Variants in ASTN2 observed in about 807,000 individuals in gnomAD.
The protein encoded by ASTN2 is astrotactin-2.
In ASTN2, 54 loss-of-function variants were observed where a neutral mutation model predicts 139.8. That is an observed-to-expected ratio of 0.39 (90% CI 0.31 to 0.48). The LOEUF (loss-of-function observed/expected upper bound fraction) is 0.48. Ranked by LOEUF, ASTN2 falls within the 20% of genes least tolerant of loss-of-function variation. The pLI is 0.95. For missense variants in ASTN2, 1,565 were observed against 1,725.1 expected (o/e 0.91, Z 1.64); for synonymous variants, 756 against 719.5 (o/e 1.05, Z -0.81).
intron 13 of ASTN2, among the ~76,000 whole-genome samples, chr9:116,737,610 C>CGTGTGTGT (rs57891581): frequency 0.17 from 23,661 of 137,018 alleles, 2,438 homozygotes; most frequent in South Asian, 0.27. Context: ...CATGTGCCAA[C>CGTGTGTGT]GTGTGTGTGT....
intron 3 of ASTN2, among the ~76,000 whole-genome samples, chr9:117,160,303 T>C (rs1830519016): frequency 6.6e-6 from 1 of 152,030 alleles, no homozygotes; most frequent in Admixed American, 6.6e-5. Context: ...AAGGGAGGCA[T>C]CTGTGGTGAC....
Position 116,976,204 on chromosome 9 carries a change from G to A in ASTN2, c.1677-16C>T, listed in dbSNP as rs1291976184. On this transcript the variant is annotated splice_polypyrimidine_tract_variant and intron_variant, in intron 8 of 22. Transcript: ENST00000313400. ...GGGCCAAGGTCTATGGGAAGAAGGA[G>A]AGGGGAGAGAAGATGACATTAGTCA... The A allele has an allele frequency of 1.2e-6, 2 of 1,611,116 alleles. No homozygotes were observed. The highest frequency in any genetic ancestry group is 2.2e-5 in the East Asian group (1 of 44,838).
chr9:116,486,473 G>A (rs1414965538), intron 20 of ASTN2, among the ~76,000 whole-genome samples: 2 of 152,088 alleles, frequency 1.3e-5, no homozygotes, highest in Non-Finnish European at 2.9e-5. Flanking sequence ...ATAGATGAAT[G>A]TTTGGGTAGA....
Position 116,860,302 on chromosome 9 carries a change from G to A in ASTN2, c.2040+3281C>T, listed in dbSNP as rs190842816. 4.9e-4 allele frequency among the ~76,000 whole-genome samples: 74 copies of A among 152,296 alleles called. 1 individual carries two copies. The highest frequency in any genetic ancestry group is 1.6e-3 in the African/African-American group (68 of 41,574). On this transcript the variant is annotated intron_variant, in intron 11 of 22. Coordinates refer to ENST00000313400, the MANE Select transcript of ASTN2 (RefSeq NM_001365068.1). Reference sequence around the variant, plus strand: ...AGAAACGTAATAGAACATTAGATACGCTGTGCTCCTAAATTTGTGTGGCCC... The same window carrying A: ...AGAAACGTAATAGAACATTAGATACACTGTGCTCCTAAATTTGTGTGGCCC...
intron 12 of ASTN2, among the ~76,000 whole-genome samples, chr9:116,808,776 A>G (rs1270040792): frequency 1.3e-5 from 2 of 152,152 alleles, no homozygotes; most frequent in East Asian, 1.9e-4. Flanking sequence ...CCCGTTTACA[A>G]TCCTATAATT....
At chr9:116,748,667 A>C (rs1829317274) in intron 13 of ASTN2, among the ~76,000 whole-genome samples, 2 of 152,112 alleles carry the variant, frequency 1.3e-5, no homozygotes, top group Non-Finnish European at 2.9e-5. Flanking sequence ...GTACACAAAA[A>C]ACACTTGCCA....
intron 19 of ASTN2, among the ~76,000 whole-genome samples, chr9:116,491,009 C>T (rs141590158): frequency 4.3e-4 from 65 of 152,258 alleles, no homozygotes; most frequent in African/African-American, 1.4e-3. Flanking sequence ...TGGATACAAG[C>T]CCCATAAACA....
At chr9:116,980,812 G>C (rs1836490703) in intron 7 of ASTN2, among the ~76,000 whole-genome samples, 1 of 152,068 alleles carries the variant, frequency 6.6e-6, no homozygotes, top group Admixed American at 6.5e-5. Flanking sequence ...TTTCCTTCTT[G>C]ACAGATGAAA....
At chr9:117,111,762 C>T (rs193149698) in intron 4 of ASTN2, among the ~76,000 whole-genome samples, 122 of 151,950 alleles carry the variant, frequency 8.0e-4, no homozygotes, top group Non-Finnish European at 1.5e-3. Context: ...AGTCAAACTG[C>T]TGAAAATGAA....
intron 2 of ASTN2, among the ~76,000 whole-genome samples, chr9:117,224,571 C>T (rs1355456293): frequency 6.6e-6 from 1 of 152,096 alleles, no homozygotes; most frequent in Non-Finnish European, 1.5e-5. Context: ...GACAGCCATC[C>T]CAGCTCTAAT....
chr9:117,083,762 A>G (rs1326073898), intron 5 of ASTN2, among the ~76,000 whole-genome samples: 4 of 152,056 alleles, frequency 2.6e-5, no homozygotes, highest in Non-Finnish European at 4.4e-5. Context: ...CTAAAATGAC[A>G]TGTTTGCTTT....
rs1833324901 is a variant in ASTN2 at position 117,244,694 on chromosome 9, AG to A, written c.631-29953del. Among the ~76,000 whole-genome samples, 3 of 132,826 alleles carry A rather than the reference AG, an allele frequency of 2.3e-5. No individual in the cohort carries two copies. The Admixed American group carries it at 2.3e-4, about 10-fold the overall frequency. The allele number at this position is 132,826 out of a possible 152,430, so 87.1% of individuals were successfully genotyped here. Reference sequence around the variant, plus strand: ...GATGGATGGAAGGACAGAAGGAAGGAGAGAAGGAGAAAGGAAGGAGAAAGGG... The same window carrying A: ...GATGGATGGAAGGACAGAAGGAAGGAAGAAGGAGAAAGGAAGGAGAAAGGG... On this transcript the variant is annotated intron_variant, in intron 2 of 22. Transcript: ENST00000313400.
chr9:116,810,198 G>C (rs1020045169), intron 12 of ASTN2, among the ~76,000 whole-genome samples: 1 of 152,206 alleles, frequency 6.6e-6, no homozygotes, highest in Non-Finnish European at 1.5e-5. Context: ...CTGAGAAACA[G>C]TTTGTATCTC....
rs372336614 is a variant in ASTN2 at position 116,976,169 on chromosome 9, G to C, written c.1696C>G (p.Leu566Val). The C allele has an allele frequency of 1.9e-6, 3 of 1,614,020 alleles. No individual in the cohort carries two copies. The African/African-American group carries it at 4.0e-5, about 22-fold the overall frequency. The change falls in exon 9 of 23, where the codon CTT (leucine) becomes GTT (valine). Residue 566 changes from leucine (L) to valine (V), a missense_variant. Physicochemically the swap from Leu to Val is conservative, Grantham distance 32. Coordinates refer to ENST00000313400, the MANE Select transcript of ASTN2 (RefSeq NM_001365068.1). ...GTCACCAGATCATAGCCCCTCTCAA[G>C]TGTCGTGTAGGGCCAAGGTCTATGG... is the stretch of plus-strand genomic sequence containing the variant. Reference protein sequence around the residue: ...QSEGPWPYTTLERGYDLVTGE... With the variant: ...QSEGPWPYTTVERGYDLVTGE...
At chr9:116,476,934 T>TGCCTGCAGGAGAAAGCCCAGCTCCCCTCC (rs1321995837) in intron 20 of ASTN2, among the ~76,000 whole-genome samples, 3 of 152,110 alleles carry the variant, frequency 2.0e-5, no homozygotes, top group Non-Finnish European at 4.4e-5. Context: ...GGCTCCCCTC[T>TGCCTGCAGGAGAAAGCCCAGCTCCCCTCC]GCCTGCAGGA....
At chr9:117,248,555 G>A (rs1833449888) in intron 2 of ASTN2, among the ~76,000 whole-genome samples, 1 of 152,208 alleles carries the variant, frequency 6.6e-6, no homozygotes, top group African/African-American at 2.4e-5. Context: ...CAATCCTTAA[G>A]GGAATGGAAA....
At chr9:116,586,390 C>T (rs1854143531) in intron 19 of ASTN2, 1 of 152,160 alleles carries the variant, frequency 6.6e-6, no homozygotes. Context: ...TGGAATCAAC[C>T]TAGGTGCCCA....
rs376930591 is a variant in ASTN2, at chr9:117,311,330, G to A, written c.443-19817C>T. On this transcript the variant is annotated intron_variant, in intron 1 of 22. Coordinates refer to ENST00000313400, the MANE Select transcript of ASTN2 (RefSeq NM_001365068.1). ...TTATCCTCCTAATGAAATCATCTCC[G>A]GCAGACCCTGTTAGTGACCGGTCTG... Among the ~76,000 whole-genome samples, 17 of 152,088 alleles carry A rather than the reference G, an allele frequency of 1.1e-4. No homozygotes were observed. In the South Asian group the frequency reaches 2.1e-3, roughly 19 times the overall value.
intron 10 of ASTN2, among the ~76,000 whole-genome samples, chr9:116,901,503 T>G (rs1010888209): frequency 2.0e-5 from 3 of 152,182 alleles, no homozygotes; most frequent in African/African-American, 7.2e-5. Context: ...TGTTGCTTAA[T>G]GACATTGCGA....
Sources: gnomAD v4.1 joint callset for allele counts (sites outside exome capture counted in the v4.1 genomes callset) on GRCh38, gnomAD v4.1.1 for gene constraint, MANE v1.5 for transcripts, NCBI Gene and HGNC (gene_info 2026-07-23, HGNC 2026-07-21) for gene names.